Variants in RAB3IL1 observed in about 807,000 individuals in gnomAD.
RAB3IL1 encodes guanine nucleotide exchange factor for Rab-3A.
A neutral mutation model predicts 49.2 loss-of-function variants in RAB3IL1; 37 were observed. The observed-to-expected ratio is 0.75, with a 90% CI of 0.58 to 0.99. The LOEUF (loss-of-function observed/expected upper bound fraction) is 0.99. Among genes scored for constraint, RAB3IL1 ranks in the 50% least tolerant of loss-of-function variants. The pLI, the probability that RAB3IL1 is intolerant of heterozygous loss-of-function variation, is 0.00. For synonymous variants in RAB3IL1, 193 were observed against 213.9 expected, an observed-to-expected ratio of 0.90 and a Z score of 0.85; for missense variants, 484 against 513.0, an observed-to-expected ratio of 0.94 and a Z score of 0.55.
At chr11:61,916,430 G>T (rs1035772094) in intron 1 of RAB3IL1, among the ~76,000 whole-genome samples, 2 of 152,022 alleles carry the variant, frequency 1.3e-5, no homozygotes, top group African/African-American at 4.8e-5. Flanking sequence ...GGGATGAAAG[G>T]CCATCCCTCC....
Position 61,907,547 on chromosome 11 carries a change from C to T in RAB3IL1, c.360+18G>A, listed in dbSNP as rs757942543. 1.9e-5 allele frequency: 31 copies of T among 1,613,754 alleles called. No homozygotes were observed. Among genetic ancestry groups the T allele is most frequent in the Non-Finnish European group, 2.1e-5 (25 of 1,179,858 alleles). ...GATGACCCATTCCCCAAGTTGTTCC[C>T]GCGCCCAGCCGGTGTACCTCAAACA... is the stretch of plus-strand genomic sequence containing the variant. On this transcript the variant is annotated intron_variant, in intron 3 of 9. Transcript: ENST00000394836.
chr11:61,925,151 A>G (rs1215571039), upstream of RAB3IL1, among the ~76,000 whole-genome samples: 3 of 152,156 alleles, frequency 2.0e-5, no homozygotes, highest in Admixed American at 6.6e-5. Context: ...TTTAAAGATG[A>G]GGAAACAGAT....
At chr11:61,908,023 G>T (rs778648968) in intron 2 of RAB3IL1, 31 bp downstream of exon 2, 52 of 1,578,380 alleles carry the variant, frequency 3.3e-5, no homozygotes, top group Non-Finnish European at 3.7e-5. Context: ...TCTCCCCACC[G>T]AAGACCCCCC....
chr11:61,899,422 G>GC, intron 8 of RAB3IL1, 42 bp from the exon 9 acceptor site: 4 of 1,579,532 alleles, frequency 2.5e-6, no homozygotes. Context: ...CCAGCCCCAC[G>GC]CTGGGGGTCC....
At chr11:61,899,745 CTGT>C in intron 8 of RAB3IL1, 3 of 236,432 alleles carry the variant, frequency 1.3e-5, no homozygotes, top group Non-Finnish European at 2.6e-5. Flanking sequence ...ACCGGGCAGG[CTGT>C]CCCGGAGTCT....
At chr11:61,926,326 A>G in the RAB3IL1 span, among the ~76,000 whole-genome samples, 58 of 152,276 alleles carry the variant, frequency 3.8e-4, no homozygotes, top group African/African-American at 1.3e-3. Flanking sequence ...CAGACAGACA[A>G]TGTTTCTGCA....
At chr11:61,934,319 T>TATACACACACAC in the RAB3IL1 span, among the ~76,000 whole-genome samples, 464 of 126,552 alleles carry the variant, frequency 3.7e-3, 3 homozygotes, top group African/African-American at 0.012. Context: ...TGAGTAAATA[T>TATACACACACAC]ACACACACAC....
chr11:61,943,934 T>TGTTTA, the RAB3IL1 span, among the ~76,000 whole-genome samples: 3 of 152,184 alleles, frequency 2.0e-5, no homozygotes, highest in East Asian at 5.8e-4. Context: ...TTTGGGAGTT[T>TGTTTA]GTTTTGTTTT....
intron 8 of RAB3IL1, 36 bp from the exon 9 acceptor site, chr11:61,899,416 C>T (rs751131149): frequency 2.5e-6 from 4 of 1,593,196 alleles, no homozygotes; most frequent in Non-Finnish European, 2.6e-6. Flanking sequence ...GACCTGCCAG[C>T]CCCACGCTGG....
At chr11:61,943,140 AAGTGACATAT>A in the RAB3IL1 span, among the ~76,000 whole-genome samples, 3 of 152,254 alleles carry the variant, frequency 2.0e-5, no homozygotes. Context: ...TGAAATATTG[AAGTGACATAT>A]AGCTCAATAG....
intron 8 of RAB3IL1, among the ~76,000 whole-genome samples, chr11:61,901,832 T>C (rs1782483178): frequency 6.6e-6 from 1 of 152,244 alleles, no homozygotes; most frequent in African/African-American, 2.4e-5. Flanking sequence ...TACTGCGACC[T>C]TGCAAGTCCC....
At chr11:61,934,478 A>G in the RAB3IL1 span, among the ~76,000 whole-genome samples, 31 of 59,984 alleles carry the variant, frequency 5.2e-4, 2 homozygotes, top group Non-Finnish European at 6.6e-4. Flanking sequence ...ATATATATAT[A>G]TATATATATA....
At chr11:61,945,946 T>C in the RAB3IL1 span, 1 of 359,046 alleles carries the variant, frequency 2.8e-6, no homozygotes, top group Non-Finnish European at 3.9e-6. Context: ...TCCTGGTTTC[T>C]GTCGTCTTTC....
intron 1 of RAB3IL1, among the ~76,000 whole-genome samples, chr11:61,909,731 C>A (rs1219174289): frequency 6.6e-6 from 1 of 152,242 alleles, no homozygotes; most frequent in Non-Finnish European, 1.5e-5. Flanking sequence ...TATGGCGGAG[C>A]CCTGGGCTGG....
At position 61,907,378 on chromosome 11, in the gene RAB3IL1, G is replaced by C. The variant is rs752453813; in HGVS notation, c.438+15C>G. On this transcript the variant is annotated intron_variant, in intron 4 of 9. Coordinates refer to ENST00000394836, the MANE Select transcript of RAB3IL1 (RefSeq NM_013401.4). ...GGTGCCTGGGCTGGCCTGGGCAGGC[G>C]GGGATGGGCCTCACCTTGCCCCGAG... The C allele has an allele frequency of 6.2e-7, 1 of 1,612,212 alleles. No homozygotes were observed. Among genetic ancestry groups the C allele is most frequent in the Non-Finnish European group, 8.5e-7 (1 of 1,179,538 alleles).
At chr11:61,935,614 A>G in the RAB3IL1 span, among the ~76,000 whole-genome samples, 1 of 151,938 alleles carries the variant, frequency 6.6e-6, no homozygotes, top group Admixed American at 6.6e-5. Flanking sequence ...TCCCAGGTTC[A>G]AGTGACTCTA....
intron 7 of RAB3IL1, among the ~76,000 whole-genome samples, chr11:61,902,938 C>T (rs1401198321): frequency 2.0e-5 from 3 of 152,186 alleles, no homozygotes; most frequent in African/African-American, 7.2e-5. Flanking sequence ...CGCTTCCCAA[C>T]ATCCAGCAGC....
In RAB3IL1 at chr11:61,917,529, C is replaced by A. The variant is rs1023971895; in HGVS notation, c.-162G>T. ...AGGTCTCAGACGCCTGGGCTCGCGGCCCCCAGCCCAGCCCCGACCCTGCCC... is the reference window on the plus strand; with the variant it reads ...AGGTCTCAGACGCCTGGGCTCGCGGACCCCAGCCCAGCCCCGACCCTGCCC... On this transcript the variant is annotated 5_prime_UTR_variant, in exon 1 of 10. Coordinates refer to ENST00000394836, the MANE Select transcript of RAB3IL1 (RefSeq NM_013401.4). The A allele has an allele frequency of 9.0e-7, 1 of 1,115,134 alleles. No homozygotes were observed. The highest frequency in any genetic ancestry group is 1.1e-6 in the Non-Finnish European group (1 of 914,584). The allele number at this position is 1,115,134 out of a possible 1,614,324, so 69.1% of individuals were successfully genotyped here. A position where few individuals can be genotyped will look rare whatever the true frequency, so the allele number is the denominator to read the frequency against.
intron 5 of RAB3IL1, among the ~76,000 whole-genome samples, chr11:61,905,506 G>A (rs1229434492): frequency 6.6e-6 from 1 of 152,204 alleles, no homozygotes; most frequent in Non-Finnish European, 1.5e-5. Flanking sequence ...ACCACGCAGA[G>A]GAGCAGGGAG....
Sources: gnomAD v4.1 joint callset for allele counts (sites outside exome capture counted in the v4.1 genomes callset) on GRCh38, gnomAD v4.1.1 for gene constraint, MANE v1.5 for transcripts, NCBI Gene and HGNC (gene_info 2026-07-23, HGNC 2026-07-21) for gene names.